CNOT10: variants seen among roughly 807,000 people sequenced by gnomAD.
CNOT10 encodes CCR4-NOT transcription complex subunit 10, also known as CCR4-NOT transcription complex, subunit 10.
Under a neutral mutation model 94.6 loss-of-function variants are expected in CNOT10, and 30 were observed. The observed-to-expected ratio is 0.32, with a 90% CI of 0.24 to 0.43. CNOT10 has a LOEUF of 0.43. Among genes scored for constraint, CNOT10 ranks in the 20% least tolerant of loss-of-function variants. The pLI is 1.00. For synonymous variants in CNOT10, 289 were observed against 301.6 expected (o/e 0.96, Z 0.43); for missense variants, 759 against 877.2 (o/e 0.87, Z 1.70).
intron 1 of CNOT10, chr3:32,695,754 T>G: frequency 6.5e-7 from 1 of 1,536,014 alleles, no homozygotes; most frequent in Non-Finnish European, 8.7e-7. Flanking sequence ...GGTCGTATAC[T>G]CTTTCAATTG....
chr3:32,698,649 G>T (rs1235884462), intron 1 of CNOT10, among the ~76,000 whole-genome samples: 1 of 152,176 alleles, frequency 6.6e-6, no homozygotes, highest in African/African-American at 2.4e-5. Context: ...GACTGAAGAT[G>T]TGACTGATTC....
chr3:32,720,041 C>A, intron 7 of CNOT10, 73 bp from the exon 8 acceptor site: 2 of 679,592 alleles, frequency 2.9e-6, no homozygotes, highest in South Asian at 2.9e-5. Flanking sequence ...CACGTCAGTA[C>A]AACAGTATAA....
chr3:32,712,728 A>G (rs1258383201), intron 4 of CNOT10, among the ~76,000 whole-genome samples: 1 of 152,110 alleles, frequency 6.6e-6, no homozygotes, highest in African/African-American at 2.4e-5. Flanking sequence ...GGTCCCAGCT[A>G]CTCAGGAGGC....
chr3:32,732,263 G>A (rs1309653578), intron 10 of CNOT10, among the ~76,000 whole-genome samples: 2 of 150,520 alleles, frequency 1.3e-5, no homozygotes, highest in African/African-American at 4.9e-5. Flanking sequence ...GGTGACAGGC[G>A]CCTGTAATCC....
chr3:32,742,230 C>T (rs1699503703), intron 13 of CNOT10, among the ~76,000 whole-genome samples: 1 of 151,962 alleles, frequency 6.6e-6, no homozygotes, highest in South Asian at 2.1e-4. Context: ...TTACAGGCAT[C>T]CCAGCACCTG....
chr3:32,689,125 A>G (rs2125486773), intron 1 of CNOT10, among the ~76,000 whole-genome samples: 1 of 151,984 alleles, frequency 6.6e-6, no homozygotes, highest in South Asian at 2.1e-4. Flanking sequence ...GGCCGAGGTG[A>G]GTGGATCACC....
chr3:32,723,426 T>C (rs903394427), intron 8 of CNOT10, among the ~76,000 whole-genome samples: 3 of 151,344 alleles, frequency 2.0e-5, no homozygotes, highest in African/African-American at 7.3e-5. Context: ...TATTAAAGCT[T>C]AGATTACTTT....
At chr3:32,689,419 A>G (rs1157272671) in intron 1 of CNOT10, among the ~76,000 whole-genome samples, 5 of 152,014 alleles carry the variant, frequency 3.3e-5, no homozygotes, top group African/African-American at 9.7e-5. Flanking sequence ...TTTTTCAGAT[A>G]GATTAGAGAA....
At chr3:32,722,756 G>A (rs115236160) in intron 8 of CNOT10, among the ~76,000 whole-genome samples, 6,433 of 151,972 alleles carry the variant, frequency 0.042, 190 homozygotes, top group Non-Finnish European at 0.062. Flanking sequence ...GACTGAGGCC[G>A]ACGGATCACT....
chr3:32,753,902 ATAAAT>A (rs1319987904), intron 13 of CNOT10: 5 of 1,293,334 alleles, frequency 3.9e-6, no homozygotes, highest in African/African-American at 3.0e-5. Flanking sequence ...AAAGTACTAA[ATAAAT>A]TAATTTGCTC....
intron 10 of CNOT10, among the ~76,000 whole-genome samples, chr3:32,731,930 T>C (rs1698976766): frequency 6.6e-6 from 1 of 151,488 alleles, no homozygotes; most frequent in South Asian, 2.1e-4. Flanking sequence ...TACAAAAAAT[T>C]AGCCAGGTTG....
At chr3:32,703,145 C>T (rs565642650) in intron 1 of CNOT10, among the ~76,000 whole-genome samples, 1 of 144,422 alleles carries the variant, frequency 6.9e-6, no homozygotes, top group Non-Finnish European at 1.5e-5. Flanking sequence ...AGGATGGTCT[C>T]GATCTCCTGA....
chr3:32,714,055 A>G (rs1365123137), intron 5 of CNOT10, among the ~76,000 whole-genome samples: 1 of 152,150 alleles, frequency 6.6e-6, no homozygotes, highest in Non-Finnish European at 1.5e-5. Flanking sequence ...ACTGGGTTAT[A>G]TGGTATCTTA....
intron 14 of CNOT10, among the ~76,000 whole-genome samples, chr3:32,761,139 A>G: frequency 6.6e-6 from 1 of 152,162 alleles, no homozygotes; most frequent in East Asian, 1.9e-4. Context: ...AAAAAAAAGT[A>G]ATAAATCATT....
chr3:32,767,335 A>G (rs1700685801), intron 17 of CNOT10, among the ~76,000 whole-genome samples: 2 of 152,100 alleles, frequency 1.3e-5, no homozygotes, highest in African/African-American at 2.4e-5. Flanking sequence ...CCTTACCAAC[A>G]TGGAGAAATC....
chr3:32,761,433 C>T (rs1422061869), intron 14 of CNOT10, among the ~76,000 whole-genome samples: 1 of 152,186 alleles, frequency 6.6e-6, no homozygotes, highest in Admixed American at 6.6e-5. Context: ...GTCTGGGTCA[C>T]CCACACTAGA....
At chr3:32,695,608 G>T (rs1575203451) in intron 1 of CNOT10, 1 of 1,535,292 alleles carries the variant, frequency 6.5e-7, no homozygotes, top group Non-Finnish European at 8.7e-7. Context: ...AAACCTAAAG[G>T]CAATTGTTTA....
intron 13 of CNOT10, among the ~76,000 whole-genome samples, chr3:32,752,730 C>T (rs1575291105): frequency 6.6e-6 from 1 of 152,118 alleles, no homozygotes; most frequent in South Asian, 2.1e-4. Flanking sequence ...AATCCCAGCA[C>T]TTTGGGAGGC....
intron 8 of CNOT10, among the ~76,000 whole-genome samples, chr3:32,720,927 C>T (rs1198849728): frequency 2.1e-5 from 3 of 141,518 alleles, no homozygotes; most frequent in Non-Finnish European, 4.6e-5. Flanking sequence ...TCCTTCCTTC[C>T]TTCCTTCCCT....
Sources: allele counts gnomAD v4.1 joint callset (sites outside exome capture counted in the v4.1 genomes callset), GRCh38; gene constraint gnomAD v4.1.1; transcripts MANE v1.5; gene names NCBI Gene and HGNC (gene_info 2026-07-23, HGNC 2026-07-21).